The following PPARGC1A variants were observed in gnomAD, a reference collection of about 807,000 sequenced individuals.
PPARGC1A encodes the protein peroxisome proliferator-activated receptor gamma coactivator 1-alpha.
In PPARGC1A, 25 loss-of-function variants were observed where a neutral mutation model predicts 88.7. That is an observed-to-expected ratio of 0.28 (90% CI 0.21 to 0.39). The LOEUF is 0.39. Among genes scored for constraint, PPARGC1A ranks in the 10% least tolerant of loss-of-function variants. The pLI is 1.00. For missense variants in PPARGC1A, 880 were observed against 968.7 expected (o/e 0.91, Z 1.22); for synonymous variants, 363 against 355.6 (o/e 1.02, Z -0.24).
Position 23,884,944 on chromosome 4 carries a change from G to GAA in PPARGC1A, c.55-15_55-14dup. 1.2e-5 allele frequency: 18 copies of GAA among 1,469,090 alleles called. No individual in the cohort carries two copies. The highest frequency in any genetic ancestry group is 4.1e-5 in the South Asian group (3 of 73,402). 91.0% of individuals were successfully genotyped at this position (1,469,090 alleles called of 1,614,324 possible). Reference sequence around the variant, plus strand: ...CCAGAGCAGCACACTGCAGGAGGCAGAAAAAAAAAATTTAAAAAAGCTTCC... The same window carrying GAA: ...CCAGAGCAGCACACTGCAGGAGGCAGAAAAAAAAAAAATTTAAAAAAGCTTCC... On this transcript the variant is annotated splice_polypyrimidine_tract_variant and intron_variant, in intron 1 of 12. Coordinates refer to ENST00000264867, the MANE Select transcript of PPARGC1A (RefSeq NM_013261.5).
chr4:24,349,782 C>A, the PPARGC1A span, among the ~76,000 whole-genome samples: 4 of 152,182 alleles, frequency 2.6e-5, no homozygotes, highest in Non-Finnish European at 5.9e-5. Context: ...GAAGTCTGCA[C>A]GCCCAATTCA....
At position 23,794,457 on chromosome 4, in the gene PPARGC1A, G is replaced by C. The variant is rs546633478; in HGVS notation, c.*1365C>G. On this transcript the variant is annotated 3_prime_UTR_variant, in exon 13 of 13. Coordinates refer to ENST00000264867, the MANE Select transcript of PPARGC1A (RefSeq NM_013261.5). ...GATGCTTAGATTGAAGCTCACCTAA[G>C]GGATGGATGTGCGGAAAGCATCATT... The C allele has an allele frequency of 6.6e-6, 1 of 152,568 alleles. No homozygotes were observed. Among genetic ancestry groups the C allele is most frequent in the South Asian group, 2.1e-4 (1 of 4,832 alleles). 9.5% of individuals were successfully genotyped at this position (152,568 alleles called of 1,614,324 possible).
At chr4:24,060,744 G>A in the PPARGC1A span, among the ~76,000 whole-genome samples, 1 of 152,208 alleles carries the variant, frequency 6.6e-6, no homozygotes, top group Non-Finnish European at 1.5e-5. Context: ...TGAAAGGGAA[G>A]TGCTTCATGA....
chr4:24,228,842 C>T, the PPARGC1A span, among the ~76,000 whole-genome samples: 1 of 152,148 alleles, frequency 6.6e-6, no homozygotes, highest in Non-Finnish European at 1.5e-5. Flanking sequence ...TATTTATCAG[C>T]CAAAGTCCAT....
chr4:24,234,363 GAAAA>G, the PPARGC1A span, among the ~76,000 whole-genome samples: 1 of 152,054 alleles, frequency 6.6e-6, no homozygotes, highest in Non-Finnish European at 1.5e-5. Flanking sequence ...TTAGCTTCAG[GAAAA>G]AATACTTTTT....
At chr4:24,041,817 C>T in the PPARGC1A span, among the ~76,000 whole-genome samples, 1 of 151,612 alleles carries the variant, frequency 6.6e-6, no homozygotes, top group Non-Finnish European at 1.5e-5. Context: ...TTTTTATTTT[C>T]AGGAGTGAAT....
At chr4:24,370,749 CTTTTTTTTTTTTTTTTTTT>C in the PPARGC1A span, among the ~76,000 whole-genome samples, 5 of 62,912 alleles carry the variant, frequency 7.9e-5, no homozygotes, top group South Asian at 1.4e-3. Context: ...CTGTCTCTCT[CTTTTTTTTTTTTTTTTTTT>C]TTTTTTTTTT....
chr4:24,241,680 G>A, the PPARGC1A span, among the ~76,000 whole-genome samples: 1 of 152,182 alleles, frequency 6.6e-6, no homozygotes, highest in African/African-American at 2.4e-5. Context: ...TCAATGGGAC[G>A]CCAAACATCT....
At chr4:23,928,131 T>A in the PPARGC1A span, among the ~76,000 whole-genome samples, 37 of 152,248 alleles carry the variant, frequency 2.4e-4, no homozygotes, top group African/African-American at 6.0e-4. Context: ...AATAAAGATG[T>A]CAGGAAAAAG....
At chr4:23,849,037 G>A (rs559949466) in intron 2 of PPARGC1A, among the ~76,000 whole-genome samples, 1 of 152,020 alleles carries the variant, frequency 6.6e-6, no homozygotes, top group Non-Finnish European at 1.5e-5. Flanking sequence ...CCAGCTACTC[G>A]GGAGGCTGAG....
At chr4:23,963,457 T>G in the PPARGC1A span, among the ~76,000 whole-genome samples, 1 of 152,210 alleles carries the variant, frequency 6.6e-6, no homozygotes, top group African/African-American at 2.4e-5. Flanking sequence ...TTTACATGTC[T>G]CTTTTTTCAT....
chr4:24,109,002 A>ACACACACACACACAC, the PPARGC1A span, among the ~76,000 whole-genome samples: 655 of 149,920 alleles, frequency 4.4e-3, 4 homozygotes, highest in African/African-American at 0.016. Context: ...AAAATCACAC[A>ACACACACACACACAC]CACACACACA....
At chr4:24,039,477 T>C in the PPARGC1A span, among the ~76,000 whole-genome samples, 117,338 of 152,046 alleles carry the variant, frequency 0.77, 45,387 homozygotes, top group Middle Eastern at 0.81. Flanking sequence ...CTACAAAGAA[T>C]CTTAGAGCTC....
the PPARGC1A span, among the ~76,000 whole-genome samples, chr4:23,939,151 GAC>G: frequency 6.6e-6 from 1 of 152,100 alleles, no homozygotes; most frequent in South Asian, 2.1e-4. Flanking sequence ...AGAAGAACAT[GAC>G]TACATCTTAT....
the PPARGC1A span, among the ~76,000 whole-genome samples, chr4:24,284,240 C>G: frequency 2.0e-5 from 3 of 151,878 alleles, no homozygotes; most frequent in Non-Finnish European, 4.4e-5. Context: ...ACCCGGGAGG[C>G]AGAGGTTGCA....
At chr4:24,175,727 T>A in the PPARGC1A span, among the ~76,000 whole-genome samples, 4 of 151,838 alleles carry the variant, frequency 2.6e-5, no homozygotes, top group East Asian at 7.7e-4. Context: ...CTTCTTTTTT[T>A]ATTTTTATAC....
the PPARGC1A span, among the ~76,000 whole-genome samples, chr4:24,211,933 T>A: frequency 6.6e-6 from 1 of 152,174 alleles, no homozygotes; most frequent in Non-Finnish European, 1.5e-5. Context: ...CAATGTCTTA[T>A]CATCACTCTC....
the PPARGC1A span, among the ~76,000 whole-genome samples, chr4:24,395,720 G>T: frequency 6.6e-6 from 1 of 152,166 alleles, no homozygotes; most frequent in Non-Finnish European, 1.5e-5. Flanking sequence ...AAGCCAGGGA[G>T]TTAAGACAGG....
the PPARGC1A span, among the ~76,000 whole-genome samples, chr4:24,390,981 G>A: frequency 6.6e-6 from 1 of 151,928 alleles, no homozygotes. Flanking sequence ...ATTTTTAAAG[G>A]CCTGTTTTGA....
Sources: allele counts gnomAD v4.1 joint callset (sites outside exome capture counted in the v4.1 genomes callset), GRCh38; gene constraint gnomAD v4.1.1; transcripts MANE v1.5; gene names NCBI Gene and HGNC (gene_info 2026-07-23, HGNC 2026-07-21).